The following UBE2G1 variants were observed in gnomAD, a reference collection of about 807,000 sequenced individuals.
The protein encoded by UBE2G1 is ubiquitin conjugating enzyme E2 G1.
Under a neutral mutation model 22.7 loss-of-function variants are expected in UBE2G1, and 5 were observed. The ratio of observed to expected loss-of-function variants is 0.22; its 90% CI spans 0.12 to 0.46. The LOEUF is 0.46. Among genes scored for constraint, UBE2G1 ranks in the 20% least tolerant of loss-of-function variants. The pLI is 0.99. For synonymous variants in UBE2G1, 74 were observed against 67.5 expected (o/e 1.10, Z -0.47); for missense variants, 88 against 203.9 (o/e 0.43, Z 3.46).
chr17:4,353,336 T>TAA (rs1969867106), intron 1 of UBE2G1, among the ~76,000 whole-genome samples: 1 of 151,950 alleles, frequency 6.6e-6, no homozygotes, highest in East Asian at 1.9e-4. Flanking sequence ...GAAAAATATG[T>TAA]AAGAAGGGGG....
intron 1 of UBE2G1, among the ~76,000 whole-genome samples, chr17:4,332,335 A>C (rs1969589101): frequency 6.6e-6 from 1 of 152,156 alleles, no homozygotes; most frequent in Non-Finnish European, 1.5e-5. Context: ...TCCTAACAGA[A>C]ACAAAAAATA....
chr17:4,273,167 C>A (rs1197269780), intron 5 of UBE2G1, among the ~76,000 whole-genome samples: 1 of 152,212 alleles, frequency 6.6e-6, no homozygotes, highest in African/African-American at 2.4e-5. Context: ...TAAAAAGCAG[C>A]ACCGCCTCAT....
intron 5 of UBE2G1, among the ~76,000 whole-genome samples, chr17:4,276,441 G>C (rs1034332154): frequency 6.6e-6 from 1 of 152,152 alleles, no homozygotes; most frequent in African/African-American, 2.4e-5. Flanking sequence ...TTACAGGCGT[G>C]AGCCACTGCC....
At position 4,357,854 on chromosome 17, in the gene UBE2G1, T is replaced by C. The variant is rs138852580; in HGVS notation, c.46+8417A>G. On this transcript the variant is annotated intron_variant, in intron 1 of 5. Transcript: ENST00000396981. The stretch of plus-strand genomic sequence containing the variant: ...GTGGCTCACACCTGTAATCCCAACA[T>C]TCTGGGAGGCCAAGACAGGAGGACT... Among the ~76,000 whole-genome samples the C allele has an allele frequency of 8.8e-4, 134 of 151,834 alleles. 1 individual carries two copies. The highest frequency in any genetic ancestry group is 3.0e-3 in the African/African-American group (125 of 41,412).
At chr17:4,350,916 C>T (rs999765682) in intron 1 of UBE2G1, among the ~76,000 whole-genome samples, 1 of 151,874 alleles carries the variant, frequency 6.6e-6, no homozygotes, top group African/African-American at 2.4e-5. Flanking sequence ...GCCTGTAGTC[C>T]CAGCTACTCG....
At chr17:4,284,154 C>T (rs1334126581) in intron 4 of UBE2G1, among the ~76,000 whole-genome samples, 1 of 95,654 alleles carries the variant, frequency 1.0e-5, no homozygotes, top group African/African-American at 3.1e-5. Context: ...GAGACTCCGT[C>T]TCTCAAAAAA....
At chr17:4,312,885 G>A (rs914732381) in intron 1 of UBE2G1, among the ~76,000 whole-genome samples, 1 of 152,046 alleles carries the variant, frequency 6.6e-6, no homozygotes, top group Non-Finnish European at 1.5e-5. Flanking sequence ...CAGTGTCAGT[G>A]TGAAGGTAAG....
intron 1 of UBE2G1, among the ~76,000 whole-genome samples, chr17:4,308,227 C>T (rs1377785349): frequency 6.6e-6 from 1 of 152,156 alleles, no homozygotes; most frequent in African/African-American, 2.4e-5. Context: ...GTGGCACATG[C>T]CTGTAATCCC....
At chr17:4,316,333 TAGAC>T (rs10536668) in intron 1 of UBE2G1, among the ~76,000 whole-genome samples, 82,863 of 151,694 alleles carry the variant, frequency 0.55, 25,829 homozygotes, top group East Asian at 0.8. Flanking sequence ...AGATCATAGA[TAGAC>T]AGACCCCTTT....
intron 1 of UBE2G1, among the ~76,000 whole-genome samples, chr17:4,343,211 G>A (rs1287328306): frequency 2.6e-5 from 4 of 152,138 alleles, no homozygotes; most frequent in Admixed American, 2.6e-4. Flanking sequence ...GATTATGTGT[G>A]ATCTGCCAGC....
intron 1 of UBE2G1, among the ~76,000 whole-genome samples, chr17:4,344,841 A>G (rs1180646135): frequency 6.6e-6 from 1 of 152,208 alleles, no homozygotes; most frequent in Non-Finnish European, 1.5e-5. Context: ...AGCCTGGGCT[A>G]CAGAGACTCT....
chr17:4,345,926 G>T (rs1003011342), intron 1 of UBE2G1: 5 of 152,102 alleles, frequency 3.3e-5, no homozygotes, highest in Non-Finnish European at 7.4e-5. Flanking sequence ...TCATAAAATG[G>T]ATGATTATAT....
chr17:4,322,746 T>A (rs1436932340), intron 1 of UBE2G1, among the ~76,000 whole-genome samples: 1 of 152,116 alleles, frequency 6.6e-6, no homozygotes, highest in African/African-American at 2.4e-5. Flanking sequence ...TTTAAGTATA[T>A]CCCCTGTATC....
intron 4 of UBE2G1, 85 bp downstream of exon 4, chr17:4,289,145 A>G (rs775163588): frequency 1.8e-5 from 22 of 1,235,718 alleles, no homozygotes; most frequent in Non-Finnish European, 2.4e-5. Flanking sequence ...GCATACATTC[A>G]TGCATACTTA....
At chr17:4,357,797 TCAAAAAAAA>T (rs1969924652) in intron 1 of UBE2G1, among the ~76,000 whole-genome samples, 1 of 151,530 alleles carries the variant, frequency 6.6e-6, no homozygotes, top group East Asian at 1.9e-4. Context: ...GAACTCTGTC[TCAAAAAAAA>T]CAAAAAAAAT....
chr17:4,349,091 G>A (rs1969814391), intron 1 of UBE2G1, among the ~76,000 whole-genome samples: 1 of 152,072 alleles, frequency 6.6e-6, no homozygotes, highest in Non-Finnish European at 1.5e-5. Context: ...GGGAGGCCGA[G>A]GTGGGCAGAT....
intron 1 of UBE2G1, among the ~76,000 whole-genome samples, chr17:4,347,467 TTC>T (rs1225199479): frequency 1.3e-3 from 177 of 134,208 alleles, no homozygotes; most frequent in African/African-American, 5.6e-3. Flanking sequence ...ACAGTATTTC[TTC>T]TTTTTTTTTT....
chr17:4,349,651 G>C (rs1021476352), intron 1 of UBE2G1, among the ~76,000 whole-genome samples: 1 of 152,010 alleles, frequency 6.6e-6, no homozygotes, highest in Non-Finnish European at 1.5e-5. Context: ...AGACCATCCT[G>C]GCTAACACGG....
intron 4 of UBE2G1, among the ~76,000 whole-genome samples, chr17:4,284,695 T>C (rs1261898072): frequency 6.6e-6 from 1 of 152,106 alleles, no homozygotes; most frequent in South Asian, 2.1e-4. Context: ...AAGACACCTC[T>C]TCCTCCAACC....
Sources: gnomAD v4.1 joint callset for allele counts (sites outside exome capture counted in the v4.1 genomes callset) on GRCh38, gnomAD v4.1.1 for gene constraint, MANE v1.5 for transcripts, NCBI Gene and HGNC (gene_info 2026-07-23, HGNC 2026-07-21) for gene names.